PATL1: variants seen among roughly 807,000 people sequenced by gnomAD.
PATL1 encodes the protein protein PAT1 homolog 1.
Under a neutral mutation model 100.6 loss-of-function variants are expected in PATL1, and 32 were observed. That is an observed-to-expected ratio of 0.32 (90% confidence interval 0.24 to 0.43). PATL1 has a LOEUF of 0.43. Among genes scored for constraint, PATL1 ranks in the 20% least tolerant of loss-of-function variants. The pLI is 1.00. For synonymous variants in PATL1, 332 were observed against 330.0 expected, an observed-to-expected ratio of 1.01 and a Z score of -0.07; for missense variants, 747 against 949.9, an observed-to-expected ratio of 0.79 and a Z score of 2.81.
chr11:59,662,563 A>C (rs192422627), intron 2 of PATL1, among the ~76,000 whole-genome samples: 2 of 152,308 alleles, frequency 1.3e-5, no homozygotes, highest in East Asian at 3.9e-4. Flanking sequence ...GTAATTAAAA[A>C]CCAAATGTGA....
chr11:59,651,821 T>G (rs1861447665), intron 11 of PATL1, among the ~76,000 whole-genome samples, 180 bp from the exon 12 acceptor site: 1 of 151,774 alleles, frequency 6.6e-6, no homozygotes, highest in South Asian at 2.1e-4. Flanking sequence ...TCTCAGCACT[T>G]TGGGAGGCCG....
chr11:59,638,933 TG>T (rs1861232533), intron 18 of PATL1, 114 bp downstream of exon 18: 2 of 1,189,874 alleles, frequency 1.7e-6, no homozygotes, highest in African/African-American at 1.5e-5. Context: ...TCCACCCTCC[TG>T]GGTGTCCTAA....
chr11:59,639,350 G>A lies in PATL1; in HGVS notation c.2083C>T (p.Arg695Cys), dbSNP rs201608276. Reference protein sequence around the residue: ...GLSLLLILLSRGEDLQSSDPA... With the variant: ...GLSLLLILLSCGEDLQSSDPA... ...TCTGAACTCTGTAGGTCTTCACCAC[G>A]GCTCAGGAGGATGAGGAGCAGTGAC... The change falls in exon 17 of 19, where the codon CGT (arginine) becomes TGT (cysteine). Residue 695 changes from arginine to cysteine, a missense_variant. Physicochemically the swap from Arg to Cys is radical, Grantham distance 180 (BLOSUM62 -3). Transcript: ENST00000300146. The A allele has an allele frequency of 4.9e-5, 76 of 1,550,410 alleles. 1 individual carries two copies. Among genetic ancestry groups the A allele is most frequent in the South Asian group, 2.4e-4 (20 of 84,000 alleles).
Position 59,638,123 on chromosome 11 carries a change from A to C in PATL1, c.*267T>G, listed in dbSNP as rs1861220242. 2.0e-6 allele frequency: 1 copy of C among 508,090 alleles called. No individual in the cohort carries two copies. 31.5% of individuals were successfully genotyped at this position (508,090 alleles called of 1,614,324 possible). On this transcript the variant is annotated 3_prime_UTR_variant, in exon 19 of 19. Coordinates refer to ENST00000300146, the MANE Select transcript of PATL1 (RefSeq NM_152716.3). ...TGTGTCTCTAGGGCAAAGAAAATGC[A>C]AAACAGAACTGAGTAAAAGTAGGAC...
Position 59,656,605 on chromosome 11 carries a change from C to G in PATL1, c.622-5G>C. ...GACAGGCTTCGGACACAGAATCTAT[C>G]AGGACAAACATATATACAACTACAC... On this transcript the variant is annotated splice_polypyrimidine_tract_variant and splice_region_variant and intron_variant, in intron 5 of 18. Transcript: ENST00000300146. 6.2e-7 allele frequency: 1 copy of G among 1,610,604 alleles called. No individual in the cohort carries two copies. The highest frequency in any genetic ancestry group is 8.5e-7 in the Non-Finnish European group (1 of 1,176,908).
At chr11:59,651,791 G>A (rs1861447155) in intron 11 of PATL1, 150 bp from the exon 12 acceptor site, 9 of 627,952 alleles carry the variant, frequency 1.4e-5, no homozygotes, top group Admixed American at 1.1e-4. Flanking sequence ...TAGGCCGGGT[G>A]TGGTAACTCA....
In PATL1 at chr11:59,650,080, C is replaced by T. The variant is rs916903799; in HGVS notation, c.1585-470G>A. On this transcript the variant is annotated intron_variant, in intron 13 of 18. Transcript: ENST00000300146. ...AGGTTGCAGTGAGCCAAGATCTCGCCATTGCACTCCAGCCTGGGGAACAAG... is the reference window on the plus strand; with the variant it reads ...AGGTTGCAGTGAGCCAAGATCTCGCTATTGCACTCCAGCCTGGGGAACAAG... Among the ~76,000 whole-genome samples, 3 of 145,512 alleles carry T rather than the reference C, an allele frequency of 2.1e-5. No individual in the cohort carries two copies. The Admixed American group carries it at 2.1e-4, about 10-fold the overall frequency.
chr11:59,645,401 C>T (rs2134740677), intron 15 of PATL1, among the ~76,000 whole-genome samples: 1 of 147,206 alleles, frequency 6.8e-6, no homozygotes, highest in Non-Finnish European at 1.5e-5. Context: ...CACTTTTTAC[C>T]TACTGCTTTT....
rs1305052615 is a variant in PATL1 at position 59,669,009 on chromosome 11, C to T, written c.-114G>A. 7.6e-6 allele frequency: 2 copies of T among 262,904 alleles called. No individual in the cohort carries two copies. Among genetic ancestry groups the T allele is most frequent in the East Asian group, 1.4e-4 (2 of 13,846 alleles). 16.3% of individuals were successfully genotyped at this position (262,904 alleles called of 1,614,324 possible). A position where few individuals can be genotyped will look rare whatever the true frequency, so the allele number is the denominator to read the frequency against. On this transcript the variant is annotated 5_prime_UTR_variant, in exon 1 of 19. Transcript: ENST00000300146. ...CCACCGGCTCGCGACCCCTGGCCGCCGCCGTACGCCGGAGCGTGCGTGGGG... is the reference window on the plus strand; with the variant it reads ...CCACCGGCTCGCGACCCCTGGCCGCTGCCGTACGCCGGAGCGTGCGTGGGG...
At chr11:59,667,261 A>G (rs988543161) in intron 1 of PATL1, among the ~76,000 whole-genome samples, 9 of 152,236 alleles carry the variant, frequency 5.9e-5, no homozygotes, top group Admixed American at 3.3e-4. Flanking sequence ...CAACCAAGAA[A>G]TTAAGCCCAC....
chr11:59,639,128 G>A lies in PATL1; in HGVS notation c.2211C>T (p.Ile737=). 1.2e-6 allele frequency: 2 copies of A among 1,614,016 alleles called. No individual in the cohort carries two copies. The highest frequency in any genetic ancestry group is 1.7e-6 in the Non-Finnish European group (2 of 1,179,898). Residue 737 remains isoleucine (I), a synonymous_variant, in exon 18 of 19, where the codon ATC becomes ATT. Transcript: ENST00000300146. ...RIPQAALAKP[I]SIPTNLVSLF... ...GGGACACTAGGTTTGTAGGTATAGA[G>A]ATTGGCTTGGCCAGGGCTGCTTGGG...
At chr11:59,655,400 T>C (rs1426608205) in intron 8 of PATL1, 123 bp downstream of exon 8, 19 of 922,398 alleles carry the variant, frequency 2.1e-5, no homozygotes, top group Non-Finnish European at 3.0e-5. Context: ...GTTTGCCAAC[T>C]TGAGGATCCA....
intron 15 of PATL1, among the ~76,000 whole-genome samples, chr11:59,645,460 CT>C (rs1376019738): frequency 2.0e-5 from 3 of 149,766 alleles, no homozygotes; most frequent in Non-Finnish European, 1.5e-5. Flanking sequence ...TCTGTTGAGG[CT>C]TGCAAAAACA....
rs1417854938 is a variant in PATL1 at position 59,656,584 on chromosome 11, G to A, written c.638C>T (p.Pro213Leu). ...SFTQQILCPK[P>L]VHVRPPMPPR... ...TGGCATTGGGGGCCGAACATGGACA[G>A]GCTTCGGACACAGAATCTATCAGGA... is the stretch of plus-strand genomic sequence containing the variant. The change falls in exon 6 of 19, where the codon CCT (proline) becomes CTT (leucine). Residue 213 changes from proline to leucine, a missense_variant. Transcript: ENST00000300146. 6.2e-7 allele frequency: 1 copy of A among 1,613,770 alleles called. No homozygotes were observed.
intron 16 of PATL1, chr11:59,639,835 G>A: frequency 6.5e-6 from 1 of 154,370 alleles, no homozygotes; most frequent in Non-Finnish European, 1.4e-5. Flanking sequence ...TAAGAAACAA[G>A]GTGTAAACTG....
chr11:59,656,985 C>T (rs201786390), intron 5 of PATL1: 8 of 746,440 alleles, frequency 1.1e-5, no homozygotes, highest in Non-Finnish European at 1.3e-5. Flanking sequence ...GTGATATGGC[C>T]GCCATGCTCA....
Position 59,638,335 on chromosome 11 carries a change from T to C in PATL1, c.*55A>G. On this transcript the variant is annotated 3_prime_UTR_variant, in exon 19 of 19. Coordinates refer to ENST00000300146, the MANE Select transcript of PATL1 (RefSeq NM_152716.3). The stretch of plus-strand genomic sequence containing the variant: ...CTCATTAAAAACACTCCATTGGTGA[T>C]GGCAGCAGTGCAGGTGGCAGCCAAA... 1 of 1,563,648 alleles carries C rather than the reference T, an allele frequency of 6.4e-7. No individual in the cohort carries two copies. Among genetic ancestry groups the C allele is most frequent in the Non-Finnish European group, 8.8e-7 (1 of 1,136,732 alleles).
chr11:59,659,241 A>G lies in PATL1; in HGVS notation c.345+11T>C, dbSNP rs1463068553. On this transcript the variant is annotated intron_variant, in intron 3 of 18. Coordinates refer to ENST00000300146, the MANE Select transcript of PATL1 (RefSeq NM_152716.3). ...TCTGCTATAGTTCTCAAATCACAGT[A>G]ACTTACTTACTTGTAAAACTGGCCT... The G allele has an allele frequency of 1.3e-6, 2 of 1,549,548 alleles. No homozygotes were observed. The highest frequency in any genetic ancestry group is 2.0e-5 in the Admixed American group (1 of 50,968).
At chr11:59,666,522 C>T (rs750304033) in intron 2 of PATL1, among the ~76,000 whole-genome samples, 1 of 152,172 alleles carries the variant, frequency 6.6e-6, no homozygotes, top group Non-Finnish European at 1.5e-5. Flanking sequence ...AAATTCCTCT[C>T]ATCTAGGATT....
Sources: allele counts gnomAD v4.1 joint callset (sites outside exome capture counted in the v4.1 genomes callset), GRCh38; gene constraint gnomAD v4.1.1; transcripts MANE v1.5; gene names NCBI Gene and HGNC (gene_info 2026-07-23, HGNC 2026-07-21).